The following EXOC6B variants were observed in gnomAD, a reference collection of about 807,000 sequenced individuals.
EXOC6B encodes the protein SEC15 homolog B.
A neutral mutation model predicts 113.5 loss-of-function variants in EXOC6B; 54 were observed. The ratio of observed to expected loss-of-function variants is 0.48; its 90% CI spans 0.38 to 0.60. The LOEUF is 0.60. EXOC6B is among the 20% of genes least tolerant of loss of function. EXOC6B has a pLI of 0.00. For missense variants in EXOC6B, 797 were observed against 977.5 expected (o/e 0.82, Z 2.46); for synonymous variants, 357 against 339.0 (o/e 1.05, Z -0.58).
At position 72,383,102 on chromosome 2, in the gene EXOC6B, G is replaced by C. The variant is rs146680040; in HGVS notation, c.1981-3232C>G. 1.2e-4 allele frequency among the ~76,000 whole-genome samples: 19 copies of C among 152,206 alleles called. No homozygotes were observed. The East Asian group carries it at 3.5e-3, about 28-fold the overall frequency. ...GAACTGTCAAAGATTTCATGACAAA[G>C]ACCCTAAAAGCAATTGTAACAAACG... On this transcript the variant is annotated intron_variant, in intron 18 of 21. Coordinates refer to ENST00000272427, the MANE Select transcript of EXOC6B (RefSeq NM_015189.3).
rs1700031950 is a variant in EXOC6B, at chr2:72,496,330, T to C, written c.1443+124A>G. The C allele has an allele frequency of 8.6e-6, 5 of 580,266 alleles. No individual in the cohort carries two copies. In the South Asian group the frequency reaches 1.2e-4, roughly 14 times the overall value. 35.9% of individuals were successfully genotyped at this position (580,266 alleles called of 1,614,324 possible). A position where few individuals can be genotyped will look rare whatever the true frequency, so the allele number is the denominator to read the frequency against. ...AAAAGAAAAAGAAAAAAGAATCCTT[T>C]GAAATTGTTTTAGAGTTCTAACCCA... On this transcript the variant is annotated intron_variant, in intron 14 of 21. Transcript: ENST00000272427.
intron 18 of EXOC6B, among the ~76,000 whole-genome samples, chr2:72,409,266 G>C (rs767772969): frequency 1.3e-5 from 2 of 152,198 alleles, no homozygotes; most frequent in Non-Finnish European, 2.9e-5. Flanking sequence ...TACACTGTTG[G>C]TGGGACTGTA....
At chr2:72,589,742 C>T (rs2103922879) in intron 6 of EXOC6B, among the ~76,000 whole-genome samples, 1 of 151,662 alleles carries the variant, frequency 6.6e-6, no homozygotes, top group East Asian at 1.9e-4. Context: ...CCCATGTCTA[C>T]TTACTCTCTT....
At chr2:72,398,926 C>A in intron 18 of EXOC6B, among the ~76,000 whole-genome samples, 1 of 142,154 alleles carries the variant, frequency 7.0e-6, no homozygotes, top group Non-Finnish European at 1.5e-5. Context: ...AAACATAAAA[C>A]AATAAAAAGA....
At position 72,775,672 on chromosome 2, in the gene EXOC6B, A is replaced by T; in HGVS notation, c.114-34203T>A. ...AGAAAAAAAAATACCAAAAGGTTGT[A>T]ACATATGACCTCATTTATACAGCAA... On this transcript the variant is annotated intron_variant, in intron 1 of 21. Transcript: ENST00000272427. Among the ~76,000 whole-genome samples the T allele has an allele frequency of 1.3e-5, 2 of 152,222 alleles. 1 individual carries two copies. The highest frequency in any genetic ancestry group is 2.9e-5 in the Non-Finnish European group (2 of 68,042).
chr2:72,392,369 A>G (rs1692442051), intron 18 of EXOC6B, among the ~76,000 whole-genome samples: 1 of 152,222 alleles, frequency 6.6e-6, no homozygotes, highest in Non-Finnish European at 1.5e-5. Flanking sequence ...CCATAATGGC[A>G]GTCCAGCTTG....
rs1202583961 is a variant in EXOC6B, at chr2:72,312,812, A to C, written c.2196+22135T>G. 3.3e-5 allele frequency among the ~76,000 whole-genome samples: 5 copies of C among 151,542 alleles called. No individual in the cohort carries two copies. In the South Asian group the frequency reaches 6.3e-4, roughly 19 times the overall value. On this transcript the variant is annotated intron_variant, in intron 20 of 21. Transcript: ENST00000272427. Reference sequence around the variant, plus strand: ...CAAAAACGACAACCAAAAAAAAAAAAAACAAAAAACAAAGTGAAAATGAGG... The same window carrying C: ...CAAAAACGACAACCAAAAAAAAAAACAACAAAAAACAAAGTGAAAATGAGG...
chr2:72,389,117 A>C (rs1012890721), intron 18 of EXOC6B, among the ~76,000 whole-genome samples: 3 of 152,030 alleles, frequency 2.0e-5, no homozygotes, highest in Admixed American at 2.0e-4. Flanking sequence ...CTTTTTGTCT[A>C]ATCTGCTCTG....
At chr2:72,632,511 AT>A (rs1014617496) in intron 6 of EXOC6B, among the ~76,000 whole-genome samples, 2 of 152,174 alleles carry the variant, frequency 1.3e-5, no homozygotes, top group African/African-American at 4.8e-5. Context: ...GTATTTTAAT[AT>A]TTTTTAAAAC....
intron 6 of EXOC6B, among the ~76,000 whole-genome samples, chr2:72,690,193 A>G (rs1460274113): frequency 6.6e-6 from 1 of 152,254 alleles, no homozygotes; most frequent in Non-Finnish European, 1.5e-5. Flanking sequence ...TCATTTGACT[A>G]CCATCTTGGG....
intron 6 of EXOC6B, among the ~76,000 whole-genome samples, chr2:72,634,034 A>G (rs894808405): frequency 1.3e-5 from 2 of 150,844 alleles, no homozygotes; most frequent in African/African-American, 4.9e-5. Flanking sequence ...TCCAGATGGG[A>G]AAAAAAAAGA....
At chr2:72,631,222 G>C (rs1672372125) in intron 6 of EXOC6B, among the ~76,000 whole-genome samples, 1 of 151,524 alleles carries the variant, frequency 6.6e-6, no homozygotes, top group Non-Finnish European at 1.5e-5. Context: ...GTGTATATAT[G>C]TGTGTGTACA....
chr2:72,494,118 GT>G (rs1327847374), intron 15 of EXOC6B, among the ~76,000 whole-genome samples: 2 of 152,042 alleles, frequency 1.3e-5, no homozygotes, highest in Non-Finnish European at 2.9e-5. Flanking sequence ...ATCAAAGGAA[GT>G]TTTCAGGCAA....
chr2:72,579,471 C>A (rs530087821), intron 6 of EXOC6B, among the ~76,000 whole-genome samples: 2 of 152,248 alleles, frequency 1.3e-5, no homozygotes, highest in African/African-American at 2.4e-5. Context: ...AAAGGGAATT[C>A]ATGTGAAAAT....
chr2:72,669,858 T>C (rs1445238612), intron 6 of EXOC6B, among the ~76,000 whole-genome samples: 1 of 152,252 alleles, frequency 6.6e-6, no homozygotes, highest in African/African-American at 2.4e-5. Context: ...CTCTCAACTA[T>C]CTGATGTCCC....
At chr2:72,643,961 C>T (rs921467763) in intron 6 of EXOC6B, among the ~76,000 whole-genome samples, 2 of 152,030 alleles carry the variant, frequency 1.3e-5, no homozygotes, top group Non-Finnish European at 2.9e-5. Context: ...GACAAGCTGA[C>T]AGAAGTAGAC....
At chr2:72,456,174 T>A (rs1396004516) in intron 18 of EXOC6B, among the ~76,000 whole-genome samples, 2 of 152,196 alleles carry the variant, frequency 1.3e-5, no homozygotes, top group Non-Finnish European at 2.9e-5. Flanking sequence ...AGGCATTTTA[T>A]AATTAAAATT....
At chr2:72,187,822 G>A (rs557963401) in intron 20 of EXOC6B, among the ~76,000 whole-genome samples, 1 of 152,234 alleles carries the variant, frequency 6.6e-6, no homozygotes, top group African/African-American at 2.4e-5. Flanking sequence ...CCTCACTGGG[G>A]ACCTGCCCCA....
intron 2 of EXOC6B, among the ~76,000 whole-genome samples, chr2:72,734,804 G>A (rs1353674771): frequency 6.6e-6 from 1 of 152,140 alleles, no homozygotes; most frequent in African/African-American, 2.4e-5. Flanking sequence ...CATTTGCAGA[G>A]GGAGTCAAAG....
Sources: allele counts gnomAD v4.1 joint callset (sites outside exome capture counted in the v4.1 genomes callset), GRCh38; gene constraint gnomAD v4.1.1; transcripts MANE v1.5; gene names NCBI Gene and HGNC (gene_info 2026-07-23, HGNC 2026-07-21).